The following GALNTL6 variants were observed in gnomAD, a reference collection of about 807,000 sequenced individuals.
GALNTL6 encodes the protein polypeptide N-acetylgalactosaminyltransferase like 6, also known as polypeptide N-acetylgalactosaminyltransferase-like 6.
A neutral mutation model predicts 73.7 loss-of-function variants in GALNTL6; 46 were observed. The ratio of observed to expected loss-of-function variants is 0.62; its 90% confidence interval spans 0.49 to 0.80. The LOEUF (loss-of-function observed/expected upper bound fraction) is 0.80, where lower values mean the gene tolerates loss of function less well. Among genes scored for constraint, GALNTL6 ranks in the 30% least tolerant of loss-of-function variants. The pLI is 0.00. For synonymous variants in GALNTL6, 259 were observed against 263.7 expected (o/e 0.98, Z 0.17); for missense variants, 604 against 755.0 (o/e 0.80, Z 2.34).
chr4:172,689,407 G>A (rs941282726), intron 5 of GALNTL6, among the ~76,000 whole-genome samples: 1 of 152,172 alleles, frequency 6.6e-6, no homozygotes, highest in Admixed American at 6.5e-5. Flanking sequence ...CTACATCAGA[G>A]GATTATTATA....
chr4:172,647,080 A>G (rs1316167011), intron 5 of GALNTL6, among the ~76,000 whole-genome samples: 1 of 152,076 alleles, frequency 6.6e-6, no homozygotes, highest in Non-Finnish European at 1.5e-5. Context: ...CTAGGTAGGG[A>G]AAAATTAGGT....
chr4:172,835,545 G>A (rs1742867182), intron 7 of GALNTL6, among the ~76,000 whole-genome samples: 1 of 152,110 alleles, frequency 6.6e-6, no homozygotes, highest in African/African-American at 2.4e-5. Context: ...TTTAAAATGT[G>A]GATTTTATTC....
At chr4:171,878,267 A>G (rs1736334075) in intron 2 of GALNTL6, among the ~76,000 whole-genome samples, 2 of 152,344 alleles carry the variant, frequency 1.3e-5, no homozygotes, top group South Asian at 4.1e-4. Flanking sequence ...GGCAATATGC[A>G]TCTACCCTGA....
At chr4:172,383,958 C>A (rs1430945052) in intron 5 of GALNTL6, among the ~76,000 whole-genome samples, 1 of 152,068 alleles carries the variant, frequency 6.6e-6, no homozygotes, top group East Asian at 1.9e-4. Context: ...AGTGTAGTAA[C>A]CACTAGTTAA....
intron 5 of GALNTL6, among the ~76,000 whole-genome samples, chr4:172,601,681 T>A (rs1738056242): frequency 6.6e-6 from 1 of 152,166 alleles, no homozygotes; most frequent in Non-Finnish European, 1.5e-5. Flanking sequence ...CTTTATAAAC[T>A]ACCCAGTTTC....
intron 5 of GALNTL6, among the ~76,000 whole-genome samples, chr4:172,761,662 GCTCTCTTTCT>G (rs1368215491): frequency 1.7e-4 from 7 of 41,020 alleles, no homozygotes; most frequent in African/African-American, 1.1e-3. Context: ...CTTCGCCCTT[GCTCTCTTTCT>G]CTCTCTCTCT....
intron 2 of GALNTL6, among the ~76,000 whole-genome samples, chr4:172,033,053 A>C (rs1741817223): frequency 6.6e-6 from 1 of 151,966 alleles, no homozygotes; most frequent in African/African-American, 2.4e-5. Context: ...TAGGTATGAC[A>C]AGTTAACATT....
At chr4:172,844,129 A>G (rs1384346956) in intron 7 of GALNTL6, among the ~76,000 whole-genome samples, 1 of 152,190 alleles carries the variant, frequency 6.6e-6, no homozygotes, top group Non-Finnish European at 1.5e-5. Flanking sequence ...GATAGAAAAG[A>G]AATGGCTTAA....
rs150811833 is a variant in GALNTL6, at chr4:172,135,701, A to G, written c.139-93955A>G. Among the ~76,000 whole-genome samples the G allele has an allele frequency of 1.0e-3, 156 of 152,346 alleles. 2 individuals are homozygous for G. Among genetic ancestry groups the G allele is most frequent in the Middle Eastern group, 3.4e-3 (1 of 294 alleles). ...ATACATAAGATTTTTCAAATCACTG[A>G]GAAAATTTAAATCACAGTTTCATTT... On this transcript the variant is annotated intron_variant, in intron 2 of 12. Transcript: ENST00000506823.
At chr4:172,472,942 C>A (rs567058007) in intron 5 of GALNTL6, among the ~76,000 whole-genome samples, 4 of 152,048 alleles carry the variant, frequency 2.6e-5, no homozygotes, top group African/African-American at 7.2e-5. Context: ...GAGTGTTTAG[C>A]GTTTTTGCTA....
chr4:172,230,505 C>CT (rs1397867589), intron 3 of GALNTL6, among the ~76,000 whole-genome samples: 5 of 149,760 alleles, frequency 3.3e-5, no homozygotes, highest in African/African-American at 1.2e-4. Context: ...GAGAATGGCC[C>CT]GGGGGGTGGA....
At chr4:172,311,785 T>C (rs181699236) in intron 4 of GALNTL6, 33 bp downstream of exon 4, 2 of 1,428,056 alleles carry the variant, frequency 1.4e-6, no homozygotes, top group East Asian at 2.5e-5. Flanking sequence ...TCAGGGTGGG[T>C]TTTTTTGGTT....
intron 5 of GALNTL6, among the ~76,000 whole-genome samples, chr4:172,798,100 C>T (rs56092112): frequency 6.6e-6 from 1 of 152,106 alleles, no homozygotes; most frequent in Non-Finnish European, 1.5e-5. Flanking sequence ...CTTGATGTGG[C>T]TCATATTCAC....
At chr4:172,415,882 C>T (rs1730812505) in intron 5 of GALNTL6, among the ~76,000 whole-genome samples, 1 of 152,130 alleles carries the variant, frequency 6.6e-6, no homozygotes, top group African/African-American at 2.4e-5. Flanking sequence ...TGTCTGGAAT[C>T]TATAAATAAC....
intron 5 of GALNTL6, among the ~76,000 whole-genome samples, chr4:172,632,789 G>A (rs1313908326): frequency 1.3e-5 from 2 of 152,162 alleles, no homozygotes; most frequent in Non-Finnish European, 2.9e-5. Flanking sequence ...AGGGAAAAAT[G>A]GCTCCATGGG....
intron 5 of GALNTL6, among the ~76,000 whole-genome samples, chr4:172,663,803 G>A (rs1306913459): frequency 1.3e-5 from 2 of 151,822 alleles, no homozygotes; most frequent in South Asian, 2.1e-4. Context: ...AATGGCACAC[G>A]CCTGTAGTCC....
At chr4:173,013,001 G>A (rs977802020) in intron 11 of GALNTL6, among the ~76,000 whole-genome samples, 3 of 152,140 alleles carry the variant, frequency 2.0e-5, no homozygotes, top group Admixed American at 6.5e-5. Flanking sequence ...AGCCAGGCGT[G>A]GTGGCTGATT....
intron 5 of GALNTL6, among the ~76,000 whole-genome samples, chr4:172,358,740 G>A (rs909075142): frequency 1.3e-5 from 2 of 151,710 alleles, no homozygotes; most frequent in Admixed American, 1.3e-4. Flanking sequence ...GCCCAAGACT[G>A]CGGTCAGAAG....
chr4:172,546,074 A>C (rs1735735326), intron 5 of GALNTL6, among the ~76,000 whole-genome samples: 1 of 152,214 alleles, frequency 6.6e-6, no homozygotes, highest in African/African-American at 2.4e-5. Context: ...TTCTGCACAC[A>C]CATGTACATA....
Sources: allele counts gnomAD v4.1 joint callset (sites outside exome capture counted in the v4.1 genomes callset), GRCh38; gene constraint gnomAD v4.1.1; transcripts MANE v1.5; gene names NCBI Gene and HGNC (gene_info 2026-07-23, HGNC 2026-07-21).